Variants in ZFYVE1 observed in about 807,000 individuals in gnomAD.
ZFYVE1 encodes zinc finger FYVE-type containing 1.
ZFYVE1 carries 30 observed loss-of-function variants against 74.4 expected under a neutral mutation model. The observed-to-expected ratio is 0.40, with a 90% CI of 0.30 to 0.55. The LOEUF is 0.55. ZFYVE1 is among the 20% of genes least tolerant of loss of function. The pLI, the probability that ZFYVE1 is intolerant of heterozygous loss-of-function variation, is 0.42. For missense variants in ZFYVE1, 703 were observed against 1,011.6 expected, an observed-to-expected ratio of 0.69 and a Z score of 4.14; for synonymous variants, 335 against 385.1, an observed-to-expected ratio of 0.87 and a Z score of 1.52.
chr14:73,008,093 C>T (rs4514602), intron 2 of ZFYVE1, among the ~76,000 whole-genome samples: 19,756 of 152,244 alleles, frequency 0.13, 1,590 homozygotes, highest in East Asian at 0.2. Context: ...GTGCTTCTGA[C>T]ACTATGCTTC....
chr14:73,001,085 G>A (rs1287470181), intron 2 of ZFYVE1, among the ~76,000 whole-genome samples: 1 of 152,212 alleles, frequency 6.6e-6, no homozygotes, highest in African/African-American at 2.4e-5. Flanking sequence ...AAACTTCAGA[G>A]GGGGCTTTGA....
In ZFYVE1 at chr14:72,997,908, G is replaced by A. The variant is rs752169268; in HGVS notation, c.891C>T (p.Ala297=). 2.5e-6 allele frequency: 4 copies of A among 1,614,164 alleles called. No homozygotes were observed. Among genetic ancestry groups the A allele is most frequent in the Admixed American group, 1.7e-5 (1 of 60,016 alleles). Residue 297 remains alanine, a synonymous_variant, in exon 3 of 12, where the codon GCC becomes GCT. Coordinates refer to ENST00000556143, the MANE Select transcript of ZFYVE1 (RefSeq NM_021260.4). ...YLKHFTKELK[A]TTARCGLDVP... is the part of the protein sequence containing the mutation. The stretch of plus-strand genomic sequence containing the variant: ...CATCCAGGCCACAGCGAGCAGTGGT[G>A]GCCTTGAGCTCCTTGGTGAAGTGCT...
chr14:72,990,737 G>T, intron 4 of ZFYVE1, among the ~76,000 whole-genome samples: 1 of 106,002 alleles, frequency 9.4e-6, no homozygotes, highest in East Asian at 3.2e-4. Flanking sequence ...TAGGTCTGTT[G>T]CCTGGGCTAG....
chr14:72,991,558 C>G (rs1006111894), intron 4 of ZFYVE1, among the ~76,000 whole-genome samples: 2 of 151,924 alleles, frequency 1.3e-5, no homozygotes, highest in African/African-American at 4.8e-5. Context: ...TATAATCCAG[C>G]CTCTGGCCTA....
intron 3 of ZFYVE1, among the ~76,000 whole-genome samples, chr14:72,995,652 G>A (rs1893726958): frequency 6.6e-6 from 1 of 152,218 alleles, no homozygotes; most frequent in South Asian, 2.1e-4. Flanking sequence ...ACAGGAGGCA[G>A]CTGAAAGTCA....
chr14:73,005,758 C>T (rs568793180), intron 2 of ZFYVE1, among the ~76,000 whole-genome samples: 1 of 152,256 alleles, frequency 6.6e-6, no homozygotes, highest in South Asian at 2.1e-4. Context: ...AAGACCAGTC[C>T]ACTGGGAAAA....
At chr14:72,994,300 G>A (rs1893693075) in intron 3 of ZFYVE1, among the ~76,000 whole-genome samples, 1 of 125,890 alleles carries the variant, frequency 7.9e-6, no homozygotes, top group African/African-American at 3.0e-5. Flanking sequence ...TCCAGCCTGG[G>A]AGACAGAGCG....
Position 73,026,940 on chromosome 14 carries a change from G to A in ZFYVE1, c.-449C>T, listed in dbSNP as rs576689928. 5.7e-4 allele frequency: 226 copies of A among 398,680 alleles called. 1 individual carries two copies. The Middle Eastern group carries it at 0.011, about 19-fold the overall frequency. 24.7% of individuals were successfully genotyped at this position (398,680 alleles called of 1,614,324 possible). A position where few individuals can be genotyped will look rare whatever the true frequency, so the allele number is the denominator to read the frequency against. ...GGGGATCCCACCACTGAGAAGCTCG[G>A]CCGCAGCAAGGCGGCGTCGGGGGGC... On this transcript the variant is annotated 5_prime_UTR_variant, in exon 1 of 12. Transcript: ENST00000556143.
At chr14:73,015,739 A>G (rs770860449) in intron 2 of ZFYVE1, among the ~76,000 whole-genome samples, 6 of 152,154 alleles carry the variant, frequency 3.9e-5, no homozygotes, top group Non-Finnish European at 7.4e-5. Flanking sequence ...GTCAAGTCCC[A>G]GTATTCTGAG....
chr14:73,024,102 T>C lies in ZFYVE1; in HGVS notation c.407A>G (p.Asp136Gly). The change falls in exon 2 of 12, where the codon GAT becomes GGT. Residue 136 changes from aspartate (D) to glycine (G), a missense_variant. By Grantham distance (94) the Asp-to-Gly change is moderately conservative (BLOSUM62 -1). Transcript: ENST00000556143. ...LQESLEAEEMDEETKRKKMTE... is the reference protein window; with the variant it reads ...LQESLEAEEMGEETKRKKMTE... ...CATCTTCTTCCTCTTGGTCTCCTCA[T>C]CCATCTCTTCTGCCTCCAGTGACTC... The C allele has an allele frequency of 6.2e-7, 1 of 1,614,198 alleles. No homozygotes were observed. The highest frequency in any genetic ancestry group is 8.5e-7 in the Non-Finnish European group (1 of 1,180,044).
At chr14:72,989,773 G>A (rs1893564562) in intron 4 of ZFYVE1, among the ~76,000 whole-genome samples, 1 of 151,444 alleles carries the variant, frequency 6.6e-6, no homozygotes, top group African/African-American at 2.4e-5. Flanking sequence ...ACTCCAGCCT[G>A]GGCAACAGAG....
Position 72,970,348 on chromosome 14 carries a change from G to A in ZFYVE1, c.*534C>T, listed in dbSNP as rs576234600. ...ATTCCCTTCAGGCTGTTTCAGGCAGGAAGGACCAGGGAGGCTCACTCCCCA... is the reference window on the plus strand; with the variant it reads ...ATTCCCTTCAGGCTGTTTCAGGCAGAAAGGACCAGGGAGGCTCACTCCCCA... On this transcript the variant is annotated 3_prime_UTR_variant, in exon 12 of 12. Coordinates refer to ENST00000556143, the MANE Select transcript of ZFYVE1 (RefSeq NM_021260.4). The A allele has an allele frequency of 2.4e-5, 4 of 166,532 alleles. No individual in the cohort carries two copies. The South Asian group carries it at 5.8e-4, about 24-fold the overall frequency. The allele number at this position is 166,532 out of a possible 1,614,324, so 10.3% of individuals were successfully genotyped here.
intron 2 of ZFYVE1, among the ~76,000 whole-genome samples, chr14:73,018,194 G>C (rs541062016): frequency 1.3e-3 from 199 of 152,274 alleles, no homozygotes; most frequent in African/African-American, 4.6e-3. Context: ...ACTTTGGGAG[G>C]CTGAGGTGGG....
At chr14:72,996,947 A>G (rs1394975330) in intron 3 of ZFYVE1, among the ~76,000 whole-genome samples, 3 of 152,122 alleles carry the variant, frequency 2.0e-5, no homozygotes, top group Non-Finnish European at 4.4e-5. Flanking sequence ...CTAATCTGTT[A>G]TTGCACCTTT....
At chr14:73,002,149 T>C (rs1308539529) in intron 2 of ZFYVE1, among the ~76,000 whole-genome samples, 1 of 151,926 alleles carries the variant, frequency 6.6e-6, no homozygotes, top group Non-Finnish European at 1.5e-5. Context: ...CTTGAAAACA[T>C]GGTAAGTGAA....
rs1892994097 is a variant in ZFYVE1 at position 72,970,166 on chromosome 14, G to A, written c.*716C>T. Reference sequence around the variant, plus strand: ...TCCTTGCTGTTCCCTGGGGGACCAGGGACAGCACGGCCCCTGCATTTCTAC... The same window carrying A: ...TCCTTGCTGTTCCCTGGGGGACCAGAGACAGCACGGCCCCTGCATTTCTAC... On this transcript the variant is annotated 3_prime_UTR_variant, in exon 12 of 12. Coordinates refer to ENST00000556143, the MANE Select transcript of ZFYVE1 (RefSeq NM_021260.4). 5.3e-6 allele frequency: 1 copy of A among 189,272 alleles called. No individual in the cohort carries two copies. The allele number at this position is 189,272 out of a possible 1,614,324, so 11.7% of individuals were successfully genotyped here.
intron 1 of ZFYVE1, among the ~76,000 whole-genome samples, chr14:73,025,486 A>C (rs181220643): frequency 7.0e-4 from 106 of 151,978 alleles, no homozygotes; most frequent in African/African-American, 2.4e-3. Context: ...ACTTGAGGTC[A>C]GGAGTTCGAG....
Position 73,024,094 on chromosome 14 carries a change from T to C in ZFYVE1, c.415A>G (p.Thr139Ala), listed in dbSNP as rs375271057. The C allele has an allele frequency of 1.4e-5, 23 of 1,614,166 alleles. No homozygotes were observed. In the African/African-American group the frequency reaches 3.1e-4, roughly 22 times the overall value. The change falls in exon 2 of 12, where the codon ACC becomes GCC. Residue 139 changes from threonine to alanine, a missense_variant. By Grantham distance (58) the Thr-to-Ala change is moderately conservative (BLOSUM62 0). Around this residue, in one of 2 missense-constraint regions of ZFYVE1, gnomAD observed 211 missense variants for 221.7 expected, o/e 0.95. Coordinates refer to ENST00000556143, the MANE Select transcript of ZFYVE1 (RefSeq NM_021260.4). Reference sequence around the variant, plus strand: ...TTCTCAGTCATCTTCTTCCTCTTGGTCTCCTCATCCATCTCTTCTGCCTCC... The same window carrying C: ...TTCTCAGTCATCTTCTTCCTCTTGGCCTCCTCATCCATCTCTTCTGCCTCC... ...SLEAEEMDEE[T>A]KRKKMTEKVV... is the part of the protein sequence containing the mutation.
intron 2 of ZFYVE1, among the ~76,000 whole-genome samples, chr14:73,022,158 C>A (rs1169344732): frequency 6.6e-6 from 1 of 152,194 alleles, no homozygotes; most frequent in South Asian, 2.1e-4. Context: ...ATAACAAAGA[C>A]ATTATCGCTG....
Sources: allele counts gnomAD v4.1 joint callset (sites outside exome capture counted in the v4.1 genomes callset), GRCh38; gene constraint gnomAD v4.1.1; regional missense constraint gnomAD v4.1.1; transcripts MANE v1.5; gene names NCBI Gene and HGNC (gene_info 2026-07-23, HGNC 2026-07-21).